The following SOD1 variants were observed in gnomAD, a reference collection of about 807,000 sequenced individuals.
The protein encoded by SOD1 is superoxide dismutase 1.
SOD1 carries 8 observed loss-of-function variants against 15.9 expected under a neutral mutation model. The ratio of observed to expected loss-of-function variants is 0.50; its 90% confidence interval spans 0.30 to 0.91. The LOEUF (loss-of-function observed/expected upper bound fraction) is 0.91. Among genes scored for constraint, SOD1 ranks in the 40% least tolerant of loss-of-function variants. SOD1 has a pLI of 0.07. For missense variants in SOD1, 137 were observed against 194.5 expected (o/e 0.70, Z 1.76); for synonymous variants, 86 against 71.2 (o/e 1.21, Z -1.04).
chr21:31,661,997 T>G (rs1033240081), intron 1 of SOD1, among the ~76,000 whole-genome samples: 2 of 152,232 alleles, frequency 1.3e-5, no homozygotes, highest in African/African-American at 4.8e-5. Context: ...GAAGAATTTT[T>G]GGAGATCTCT....
intron 1 of SOD1, among the ~76,000 whole-genome samples, chr21:31,663,124 TC>T (rs1293262337): frequency 8.4e-6 from 1 of 119,106 alleles, no homozygotes; most frequent in Non-Finnish European, 1.7e-5. Flanking sequence ...GGCGACTTTT[TC>T]TTTTTTTTTT....
At chr21:31,660,514 A>G (rs2049539523) in intron 1 of SOD1, 1 of 152,270 alleles carries the variant, frequency 6.6e-6, no homozygotes, top group Non-Finnish European at 1.5e-5. Flanking sequence ...GCAAGGGCAG[A>G]GAAGGTAGCC....
intron 3 of SOD1, chr21:31,667,022 T>A: frequency 1.7e-6 from 1 of 571,662 alleles, no homozygotes; most frequent in Non-Finnish European, 3.1e-6. Flanking sequence ...TTAACAGGCA[T>A]AACTCAGTAA....
At position 31,667,379 on chromosome 21, in the gene SOD1, A is replaced by T; in HGVS notation, c.357+4A>T. 6.3e-7 allele frequency: 1 copy of T among 1,594,578 alleles called. No individual in the cohort carries two copies. The highest frequency in any genetic ancestry group is 8.6e-7 in the Non-Finnish European group (1 of 1,162,098). ...CATCATTGGCCGCACACTGGTGGTAAGTTTTCATAAAAGGATATGCATAAA... is the reference window on the plus strand; with the variant it reads ...CATCATTGGCCGCACACTGGTGGTATGTTTTCATAAAAGGATATGCATAAA... On this transcript the variant is annotated splice_donor_region_variant and intron_variant, in intron 4 of 4. Transcript: ENST00000270142.
chr21:31,667,101 T>C lies in SOD1; in HGVS notation c.240-157T>C. On this transcript the variant is annotated intron_variant, in intron 3 of 4. Coordinates refer to ENST00000270142, the MANE Select transcript of SOD1 (RefSeq NM_000454.5). ...CATCTTTCTTCCCAGAGCATTAGTG[T>C]GTAGACGTGAAGCCTTGTTTGAAGA... The C allele has an allele frequency of 4.4e-6, 3 of 681,504 alleles. No individual in the cohort carries two copies. The South Asian group carries it at 4.8e-5, about 11-fold the overall frequency. 42.2% of individuals were successfully genotyped at this position (681,504 alleles called of 1,614,324 possible).
chr21:31,663,146 A>G (rs2049563365), intron 1 of SOD1, among the ~76,000 whole-genome samples: 1 of 150,650 alleles, frequency 6.6e-6, no homozygotes, highest in African/African-American at 2.4e-5. Context: ...TTTAAAGTCA[A>G]GTGAGTATGC....
chr21:31,663,096 C>T (rs2049562621), intron 1 of SOD1, among the ~76,000 whole-genome samples: 1 of 148,950 alleles, frequency 6.7e-6, no homozygotes, highest in Non-Finnish European at 1.5e-5. Flanking sequence ...CCCAGGGTAG[C>T]CTGTTGGACA....
In SOD1 at chr21:31,661,366, C is replaced by G. The variant is rs374684501; in HGVS notation, c.72+1525C>G. On this transcript the variant is annotated intron_variant, in intron 1 of 4. Transcript: ENST00000270142. ...CTTCTCCCCACATAATTCACCAGTA[C>G]TAGTGTTTTGTTTTTCAGACCAAGT... Among the ~76,000 whole-genome samples, 133 of 152,132 alleles carry G rather than the reference C, an allele frequency of 8.7e-4. 4 individuals are homozygous for G. In the South Asian group the frequency reaches 0.027, roughly 31 times the overall value.
At chr21:31,668,227 GT>G (rs2049614774) in intron 4 of SOD1, among the ~76,000 whole-genome samples, 2 of 152,186 alleles carry the variant, frequency 1.3e-5, no homozygotes, top group South Asian at 4.2e-4. Context: ...AGTTATTTGG[GT>G]TTTAGTATTT....
chr21:31,666,643 C>T, intron 3 of SOD1, 125 bp downstream of exon 3: 1 of 772,052 alleles, frequency 1.3e-6, no homozygotes, highest in Non-Finnish European at 2.3e-6. Context: ...AACTTGCTGA[C>T]TCATCTAAAC....
chr21:31,661,091 T>C (rs2049544878), intron 1 of SOD1, among the ~76,000 whole-genome samples: 1 of 152,226 alleles, frequency 6.6e-6, no homozygotes, highest in Non-Finnish European at 1.5e-5. Flanking sequence ...TGGAAAATTT[T>C]CTCTTGCACT....
rs1441852789 is a variant in SOD1 at position 31,666,432 on chromosome 21, C to G, written c.170-17C>G. The G allele has an allele frequency of 1.9e-6, 3 of 1,588,256 alleles. No homozygotes were observed. Among genetic ancestry groups the G allele is most frequent in the African/African-American group, 2.7e-5 (2 of 74,188 alleles). On this transcript the variant is annotated splice_polypyrimidine_tract_variant and intron_variant, in intron 2 of 4. Transcript: ENST00000270142. ...TTAATTCATAATTTAGCTTTTTTTT[C>G]TTCTTCTTATAAATAGGCTGTACCA...
Position 31,666,501 on chromosome 21 carries a change from G to A in SOD1, c.222G>A (p.Gly74=), listed in dbSNP as rs1459217491. ...HFNPLSRKHG[G]PKDEERHVGD... ...ATCCTCTATCCAGAAAACACGGTGG[G>A]CCAAAGGATGAAGAGAGGTAACAAG... The change falls in exon 3 of 5, where the codon GGG becomes GGA. Residue 74 remains glycine, a synonymous_variant. Transcript: ENST00000270142. The A allele has an allele frequency of 1.2e-6, 2 of 1,611,712 alleles. No homozygotes were observed. The highest frequency in any genetic ancestry group is 3.3e-5 in the Admixed American group (2 of 59,954).
rs2049624071 is a variant in SOD1, at chr21:31,668,839, T to A, written c.*261T>A. ...CTTAAATCACAGATGGGTATTAAAC[T>A]TGTCAGAATTTCTTTGTCATTCAAG... On this transcript the variant is annotated 3_prime_UTR_variant, in exon 5 of 5. Transcript: ENST00000270142. 1 of 425,498 alleles carries A rather than the reference T, an allele frequency of 2.4e-6. No individual in the cohort carries two copies. Among genetic ancestry groups the A allele is most frequent in the Non-Finnish European group, 4.3e-6 (1 of 231,620 alleles). 26.4% of individuals were successfully genotyped at this position (425,498 alleles called of 1,614,324 possible).
intron 2 of SOD1, among the ~76,000 whole-genome samples, chr21:31,664,923 GGT>G (rs1407593649): frequency 6.6e-6 from 1 of 152,130 alleles, no homozygotes; most frequent in African/African-American, 2.4e-5. Flanking sequence ...GCCAGAAGAG[GGT>G]GTTTTTTAAA....
At position 31,667,309 on chromosome 21, in the gene SOD1, T is replaced by C. The variant is rs111229903; in HGVS notation, c.291T>C (p.Asp97=). 1.2e-6 allele frequency: 2 copies of C among 1,614,200 alleles called. No homozygotes were observed. Among genetic ancestry groups the C allele is most frequent in the African/African-American group, 1.3e-5 (1 of 75,060 alleles). The change falls in exon 4 of 5, where the codon GAT becomes GAC. Residue 97 remains aspartate (D), a synonymous_variant. Coordinates refer to ENST00000270142, the MANE Select transcript of SOD1 (RefSeq NM_000454.5). ...NVTADKDGVA[D]VSIEDSVISL... ...CTGCTGACAAAGATGGTGTGGCCGATGTGTCTATTGAAGATTCTGTGATCT... is the reference window on the plus strand; with the variant it reads ...CTGCTGACAAAGATGGTGTGGCCGACGTGTCTATTGAAGATTCTGTGATCT...
At chr21:31,661,924 T>G (rs2049551920) in intron 1 of SOD1, among the ~76,000 whole-genome samples, 1 of 152,356 alleles carries the variant, frequency 6.6e-6, no homozygotes, top group East Asian at 1.9e-4. Flanking sequence ...AATCTTGGAC[T>G]CTTTGCTAGT....
At chr21:31,664,553 G>C (rs1467611151) in intron 2 of SOD1, 1 of 154,116 alleles carries the variant, frequency 6.5e-6, no homozygotes, top group African/African-American at 2.4e-5. Flanking sequence ...TGATACCTAG[G>C]TGTGGAAAAG....
Position 31,668,662 on chromosome 21 carries a change from C to A in SOD1, c.*84C>A. 9.7e-7 allele frequency: 1 copy of A among 1,028,252 alleles called. No homozygotes were observed. The highest frequency in any genetic ancestry group is 1.5e-6 in the Non-Finnish European group (1 of 652,086). The allele number at this position is 1,028,252 out of a possible 1,614,324, so 63.7% of individuals were successfully genotyped here. A position where few individuals can be genotyped will look rare whatever the true frequency, so the allele number is the denominator to read the frequency against. ...GAAATGTATCCTGATAAACATTAAA[C>A]ACTGTAATCTTAAAAGTGTAATTGT... On this transcript the variant is annotated 3_prime_UTR_variant, in exon 5 of 5. Transcript: ENST00000270142.
Sources: gnomAD v4.1 joint callset for allele counts (sites outside exome capture counted in the v4.1 genomes callset) on GRCh38, gnomAD v4.1.1 for gene constraint, MANE v1.5 for transcripts, NCBI Gene and HGNC (gene_info 2026-07-23, HGNC 2026-07-21) for gene names.